KIAA1217: variants seen among roughly 807,000 people sequenced by gnomAD.
KIAA1217 encodes the protein sickle tail protein homolog.
A neutral mutation model predicts 163.9 loss-of-function variants in KIAA1217; 88 were observed. That is an observed-to-expected ratio of 0.54 (90% confidence interval 0.45 to 0.64). The LOEUF (loss-of-function observed/expected upper bound fraction) is 0.64, where lower values mean the gene tolerates loss of function less well. Ranked by LOEUF, KIAA1217 falls within the 30% of genes least tolerant of loss-of-function variation. The pLI is 0.00. For missense variants in KIAA1217, 2,372 were observed against 2,475.0 expected (o/e 0.96, Z 0.88); for synonymous variants, 903 against 923.1 (o/e 0.98, Z 0.39).
chr10:24,428,859 A>AC (rs1775867327), intron 3 of KIAA1217, among the ~76,000 whole-genome samples: 1 of 142,898 alleles, frequency 7.0e-6, no homozygotes, highest in African/African-American at 2.7e-5. Context: ...CTCTTTAAAG[A>AC]TAAAAAAAAA....
intron 6 of KIAA1217, among the ~76,000 whole-genome samples, chr10:24,493,218 T>C (rs2066370506): frequency 6.6e-6 from 1 of 152,230 alleles, no homozygotes; most frequent in Non-Finnish European, 1.5e-5. Flanking sequence ...AAGAATATAC[T>C]GTTTGCAGCA....
intron 2 of KIAA1217, among the ~76,000 whole-genome samples, chr10:24,366,423 C>A (rs545912958): frequency 6.6e-6 from 1 of 151,782 alleles, no homozygotes; most frequent in Non-Finnish European, 1.5e-5. Context: ...CCAGCCTGGG[C>A]GACAAAGTGA....
chr10:24,460,723 G>T (rs1161030597), intron 5 of KIAA1217, among the ~76,000 whole-genome samples: 1 of 152,056 alleles, frequency 6.6e-6, no homozygotes, highest in Non-Finnish European at 1.5e-5. Flanking sequence ...CTTTTGCTTG[G>T]TAATAGAACC....
intron 1 of KIAA1217, among the ~76,000 whole-genome samples, chr10:23,946,824 T>C (rs1431941672): frequency 6.6e-6 from 1 of 152,184 alleles, no homozygotes; most frequent in Non-Finnish European, 1.5e-5. Flanking sequence ...GAGTAAGAAT[T>C]CAAATACTAT....
chr10:24,496,302 G>A (rs888637151), intron 8 of KIAA1217, among the ~76,000 whole-genome samples: 1 of 152,234 alleles, frequency 6.6e-6, no homozygotes, highest in African/African-American at 2.4e-5. Flanking sequence ...CAGTGGCCTT[G>A]GCCGAAGCCA....
chr10:23,959,916 T>C lies in KIAA1217; in HGVS notation c.-320-47309T>C, dbSNP rs1425699717. ...GAGAGGAAGGTCATAGACTTCTTTTTTTTTTTTTTTTTTTTTTGAGACAGA... is the reference window on the plus strand; with the variant it reads ...GAGAGGAAGGTCATAGACTTCTTTTCTTTTTTTTTTTTTTTTTGAGACAGA... On this transcript the variant is annotated intron_variant, in intron 1 of 18. Coordinates refer to the KIAA1217 transcript ENST00000376462. 8.2e-5 allele frequency among the ~76,000 whole-genome samples: 12 copies of C among 146,664 alleles called. No homozygotes were observed. The South Asian group carries it at 2.0e-3, about 25-fold the overall frequency.
intron 3 of KIAA1217, among the ~76,000 whole-genome samples, chr10:24,383,942 T>C (rs970229281): frequency 6.6e-6 from 1 of 152,228 alleles, no homozygotes; most frequent in Non-Finnish European, 1.5e-5. Context: ...CTCAGCTTAG[T>C]CTTTGGGAAA....
chr10:24,240,164 G>C (rs1182220662), intron 2 of KIAA1217, among the ~76,000 whole-genome samples: 2 of 152,182 alleles, frequency 1.3e-5, no homozygotes, highest in African/African-American at 4.8e-5. Context: ...ACTGGATGCG[G>C]CTGTGGATCT....
Position 24,543,450 on chromosome 10 carries a change from G to T in KIAA1217, c.4180G>T (p.Val1394Phe), listed in dbSNP as rs775755366. 16 of 1,614,000 alleles carry T rather than the reference G, an allele frequency of 9.9e-6. No homozygotes were observed. The highest frequency in any genetic ancestry group is 6.7e-5 in the African/African-American group (5 of 74,888). ...AFMITETTVQVLSSGEVHDIV... is the reference protein window; with the variant it reads ...AFMITETTVQFLSSGEVHDIV... ...CATGATTACCGAAACCACTGTCCAG[G>T]TTCTTTCCAGTGGGGAGGTGCATGA... The change falls in exon 19 of 21, where the codon GTT becomes TTT. Residue 1394 changes from valine to phenylalanine, a missense_variant. Physicochemically the swap from Val to Phe is conservative, Grantham distance 50. Coordinates refer to ENST00000376454, the MANE Select transcript of KIAA1217 (RefSeq NM_019590.5).
chr10:24,483,518 TAG>T, intron 6 of KIAA1217, among the ~76,000 whole-genome samples: 1 of 152,316 alleles, frequency 6.6e-6, no homozygotes, highest in Middle Eastern at 3.4e-3. Context: ...GGAAATGCAC[TAG>T]AGAGACCAAA....
intron 14 of KIAA1217, among the ~76,000 whole-genome samples, chr10:24,528,981 A>G (rs1359168145): frequency 6.6e-6 from 1 of 152,186 alleles, no homozygotes; most frequent in Non-Finnish European, 1.5e-5. Context: ...TAAATATCCT[A>G]TCAGTTACAA....
rs117271456 is a variant in KIAA1217 at position 23,810,196 on chromosome 10, A to T, written c.-321+114962A>T. Among the ~76,000 whole-genome samples the T allele has an allele frequency of 5.4e-3, 825 of 151,446 alleles. 6 individuals carry two copies. Among genetic ancestry groups the T allele is most frequent in the African/African-American group, 0.017 (705 of 41,358 alleles). The stretch of plus-strand genomic sequence containing the variant: ...AATGTAACTCCATTGTAAGTCGAGC[A>T]TTTATCCATCCATTCATCTATCTGT... On this transcript the variant is annotated intron_variant, in intron 1 of 18. Transcript: ENST00000376462.
At chr10:24,425,173 T>G (rs779619932) in intron 3 of KIAA1217, among the ~76,000 whole-genome samples, 1 of 152,236 alleles carries the variant, frequency 6.6e-6, no homozygotes, top group Admixed American at 6.5e-5. Context: ...TAGATTTTAG[T>G]GCAGAAGTTG....
intron 2 of KIAA1217, among the ~76,000 whole-genome samples, chr10:24,172,980 C>T (rs1001605934): frequency 6.6e-6 from 1 of 152,194 alleles, no homozygotes; most frequent in Non-Finnish European, 1.5e-5. Flanking sequence ...AAGCAGGGGT[C>T]CCCAACCCCC....
intron 1 of KIAA1217, among the ~76,000 whole-genome samples, chr10:23,928,048 A>G (rs1179528922): frequency 3.3e-5 from 5 of 152,366 alleles, no homozygotes; most frequent in Admixed American, 6.5e-5. Flanking sequence ...ATATCTGTTA[A>G]AAAGCATAGC....
chr10:24,400,462 A>G lies in KIAA1217; in HGVS notation c.553+19395A>G, dbSNP rs569643230. ...ATGCTGATGGAAGCCCCATCTCAACATGTCACAGAAGCAGGATAAAGGGAG... is the reference window on the plus strand; with the variant it reads ...ATGCTGATGGAAGCCCCATCTCAACGTGTCACAGAAGCAGGATAAAGGGAG... On this transcript the variant is annotated intron_variant, in intron 3 of 20. Transcript: ENST00000376454. Among the ~76,000 whole-genome samples the G allele has an allele frequency of 1.3e-4, 20 of 152,294 alleles. 1 individual carries two copies. Among genetic ancestry groups the G allele is most frequent in the Admixed American group, 1.2e-3 (19 of 15,288 alleles).
At chr10:24,531,691 T>C (rs2073150380) in intron 14 of KIAA1217, 139 bp from the exon 15 acceptor site, 1 of 732,718 alleles carries the variant, frequency 1.4e-6, no homozygotes, top group Non-Finnish European at 2.1e-6. Context: ...CTCTTTAGGG[T>C]CTATACACTT....
chr10:23,914,701 C>G (rs1164150326), intron 1 of KIAA1217, among the ~76,000 whole-genome samples: 1 of 152,172 alleles, frequency 6.6e-6, no homozygotes, highest in Admixed American at 6.5e-5. Flanking sequence ...CCTCCCTCCC[C>G]TCTTTCACTC....
chr10:24,332,779 T>A (rs951425868), intron 2 of KIAA1217, among the ~76,000 whole-genome samples: 1 of 152,174 alleles, frequency 6.6e-6, no homozygotes, highest in African/African-American at 2.4e-5. Flanking sequence ...GTAAAGAGGG[T>A]CATATTAAGA....
Sources: gnomAD v4.1 joint callset for allele counts (sites outside exome capture counted in the v4.1 genomes callset) on GRCh38, gnomAD v4.1.1 for gene constraint, MANE v1.5 for transcripts, NCBI Gene and HGNC (gene_info 2026-07-23, HGNC 2026-07-21) for gene names.